IFT80: variants seen among roughly 807,000 people sequenced by gnomAD.
The protein encoded by IFT80 is intraflagellar transport protein 80 homolog.
IFT80 carries 79 observed loss-of-function variants against 107.9 expected under a neutral mutation model. The observed-to-expected ratio is 0.73, with a 90% confidence interval of 0.61 to 0.88. The LOEUF is 0.88. IFT80 is among the 40% of genes least tolerant of loss of function. The pLI is 0.00. For missense variants in IFT80, 797 were observed against 914.2 expected (o/e 0.87, Z 1.65); for synonymous variants, 299 against 300.9 (o/e 0.99, Z 0.07).
chr3:160,315,678 T>C (rs1717764568), intron 9 of IFT80, among the ~76,000 whole-genome samples: 1 of 152,158 alleles, frequency 6.6e-6, no homozygotes, highest in Admixed American at 6.6e-5. Flanking sequence ...CAAATTGTTT[T>C]CATTGCAGCC....
rs568088217 is a variant in IFT80 at position 160,326,082 on chromosome 3, A to G, written c.778-6143T>C. ...AAGCCCAGTACCCATTAATGATAAC[A>G]AACCCCCATAATACAAGGTTACCTA... On this transcript the variant is annotated intron_variant, in intron 8 of 19. Transcript: ENST00000326448. Among the ~76,000 whole-genome samples, 23 of 152,176 alleles carry G rather than the reference A, an allele frequency of 1.5e-4. 1 individual carries two copies. Among genetic ancestry groups the G allele is most frequent in the African/African-American group, 5.5e-4 (23 of 41,542 alleles).
intron 9 of IFT80, 67 bp downstream of exon 9, chr3:160,319,693 C>G: frequency 8.0e-7 from 1 of 1,254,366 alleles, no homozygotes; most frequent in South Asian, 1.2e-5. Context: ...GAAGATAATT[C>G]CATATTCTGT....
At chr3:160,313,067 TATATATATTTTATATA>T (rs1322416643) in intron 9 of IFT80, among the ~76,000 whole-genome samples, 4 of 103,698 alleles carry the variant, frequency 3.9e-5, no homozygotes, top group East Asian at 2.4e-4. Flanking sequence ...TAATATATAT[TATATATATTTTATATA>T]ATATATATTT....
intron 8 of IFT80, among the ~76,000 whole-genome samples, chr3:160,321,540 T>C (rs543892843): frequency 6.6e-6 from 1 of 152,090 alleles, no homozygotes; most frequent in East Asian, 1.9e-4. Flanking sequence ...CCTGAAACTA[T>C]AGAAGGTGCT....
intron 13 of IFT80, among the ~76,000 whole-genome samples, chr3:160,285,495 A>G (rs1413384532): frequency 6.6e-6 from 1 of 152,238 alleles, no homozygotes; most frequent in African/African-American, 2.4e-5. Context: ...ATTTTTATTT[A>G]CTGGTAAGTG....
intron 8 of IFT80, among the ~76,000 whole-genome samples, chr3:160,324,382 A>C (rs1465452068): frequency 6.6e-6 from 1 of 152,188 alleles, no homozygotes; most frequent in African/African-American, 2.4e-5. Context: ...AATCCTCAAT[A>C]AAATACTGGC....
intron 8 of IFT80, among the ~76,000 whole-genome samples, chr3:160,332,198 T>C (rs1719137297): frequency 6.6e-6 from 1 of 152,146 alleles, no homozygotes; most frequent in African/African-American, 2.4e-5. Context: ...GGTATTTAAG[T>C]TAGGTTTTGT....
intron 12 of IFT80, among the ~76,000 whole-genome samples, chr3:160,292,099 T>C (rs1483315643): frequency 6.6e-6 from 1 of 152,188 alleles, no homozygotes; most frequent in Admixed American, 6.5e-5. Context: ...CTCATGCCAG[T>C]AGCCCTGGAT....
rs565650620 is a variant in IFT80 at position 160,288,464 on chromosome 3, G to T, written c.1316-2596C>A. ...CATGGCAAAGATGCCAAAAGCAATC[G>T]CAACAAAAGCAAAAATTGACAAATA... On this transcript the variant is annotated intron_variant, in intron 12 of 19. Coordinates refer to ENST00000326448, the MANE Select transcript of IFT80 (RefSeq NM_020800.3). Among the ~76,000 whole-genome samples the T allele has an allele frequency of 2.6e-5, 4 of 152,252 alleles. No homozygotes were observed. In the East Asian group the frequency reaches 7.7e-4, roughly 29 times the overall value.
At chr3:160,301,515 A>G (rs1716422641) in intron 11 of IFT80, among the ~76,000 whole-genome samples, 1 of 152,020 alleles carries the variant, frequency 6.6e-6, no homozygotes, top group Admixed American at 6.5e-5. Context: ...AGTTTAAAGC[A>G]GTGAAAATGA....
chr3:160,394,954 G>A (rs996710966), intron 1 of IFT80, among the ~76,000 whole-genome samples: 15 of 152,078 alleles, frequency 9.9e-5, no homozygotes, highest in African/African-American at 3.4e-4. Context: ...CTTAATAATG[G>A]AGACCCCTAA....
intron 8 of IFT80, among the ~76,000 whole-genome samples, chr3:160,337,913 C>G (rs1719617243): frequency 6.6e-6 from 1 of 152,068 alleles, no homozygotes; most frequent in African/African-American, 2.4e-5. Flanking sequence ...TGTCAAATTC[C>G]TTATTTTGAG....
intron 3 of IFT80, among the ~76,000 whole-genome samples, chr3:160,380,302 C>T (rs1019728207): frequency 6.6e-6 from 1 of 151,896 alleles, no homozygotes; most frequent in African/African-American, 2.4e-5. Context: ...CTCCCAAAGT[C>T]CATTTCTCTT....
At chr3:160,356,969 A>G (rs888559821) in intron 7 of IFT80, among the ~76,000 whole-genome samples, 11 of 152,334 alleles carry the variant, frequency 7.2e-5, no homozygotes, top group African/African-American at 2.6e-4. Flanking sequence ...CCTGAAATTG[A>G]TCAATATTTA....
In IFT80 at chr3:160,258,587, T is replaced by A; in HGVS notation, c.2272A>T (p.Thr758Ser). The A allele has an allele frequency of 6.2e-7, 1 of 1,613,600 alleles. No homozygotes were observed. The highest frequency in any genetic ancestry group is 8.5e-7 in the Non-Finnish European group (1 of 1,179,954). ...CTTGATGATTGCTCTCTTTCTTTTG[T>A]AATTTCCATCTCAATTTTGGCTTTG... ...KIKAKIEMEI[T>S]KEREQSSSSQ... The change falls in exon 20 of 20, where the codon ACA (threonine) becomes TCA (serine). Residue 758 changes from threonine (T) to serine (S), a missense_variant. Thr to Ser is a moderately conservative substitution (Grantham distance 58, BLOSUM62 1). Transcript: ENST00000326448.
rs149043912 is a variant in IFT80, at chr3:160,358,293, G to A, written c.550-715C>T. 4.9e-3 allele frequency among the ~76,000 whole-genome samples: 734 copies of A among 149,360 alleles called. 4 individuals carry two copies. Among genetic ancestry groups the A allele is most frequent in the African/African-American group, 0.017 (692 of 40,552 alleles). ...CTCCCAATGTGCGGGGATTACAGGCGTGAGCCACCATGTTCAGCCCCCCTC... is the reference window on the plus strand; with the variant it reads ...CTCCCAATGTGCGGGGATTACAGGCATGAGCCACCATGTTCAGCCCCCCTC... On this transcript the variant is annotated intron_variant, in intron 6 of 19. Transcript: ENST00000326448.
chr3:160,261,025 T>C (rs1439797322), intron 19 of IFT80, among the ~76,000 whole-genome samples: 7 of 152,192 alleles, frequency 4.6e-5, no homozygotes, highest in Admixed American at 2.6e-4. Flanking sequence ...ATGTCTCTGA[T>C]TCCATTTTCT....
At chr3:160,269,771 T>A (rs1713655111) in intron 18 of IFT80, among the ~76,000 whole-genome samples, 2 of 152,222 alleles carry the variant, frequency 1.3e-5, no homozygotes, top group African/African-American at 4.8e-5. Context: ...CTGTTCACTG[T>A]CATCTTGTTT....
At chr3:160,372,924 T>C (rs141292361) in intron 5 of IFT80, among the ~76,000 whole-genome samples, 1 of 152,152 alleles carries the variant, frequency 6.6e-6, no homozygotes, top group Non-Finnish European at 1.5e-5. Context: ...AGCATCACCA[T>C]CCCCTCTCTA....
Sources: allele counts gnomAD v4.1 joint callset (sites outside exome capture counted in the v4.1 genomes callset), GRCh38; gene constraint gnomAD v4.1.1; transcripts MANE v1.5; gene names NCBI Gene and HGNC (gene_info 2026-07-23, HGNC 2026-07-21).